Variants in TMEM178B observed in about 807,000 individuals in gnomAD.
The protein encoded by TMEM178B is transmembrane protein 178B.
TMEM178B carries 5 observed loss-of-function variants against 31.0 expected under a neutral mutation model. The observed-to-expected ratio is 0.16, with a 90% CI of 0.08 to 0.34. The LOEUF is 0.34. Among genes scored for constraint, TMEM178B ranks in the 10% least tolerant of loss-of-function variants. The pLI, the probability that TMEM178B is intolerant of heterozygous loss-of-function variation, is 1.00. For missense variants in TMEM178B, 275 were observed against 400.3 expected (o/e 0.69, Z 2.67); for synonymous variants, 164 against 164.0 (o/e 1.00, Z 0.00).
At chr7:141,442,267 C>T (rs1181622391) in intron 3 of TMEM178B, among the ~76,000 whole-genome samples, 2 of 152,166 alleles carry the variant, frequency 1.3e-5, no homozygotes, top group African/African-American at 2.4e-5. Context: ...ATCACCTCCT[C>T]CCCGAATCAG....
At chr7:141,407,080 G>A (rs1187870312) in intron 2 of TMEM178B, among the ~76,000 whole-genome samples, 1 of 152,332 alleles carries the variant, frequency 6.6e-6, no homozygotes, top group Admixed American at 6.5e-5. Flanking sequence ...AATACCTATT[G>A]CTTCCTATAT....
intron 2 of TMEM178B, among the ~76,000 whole-genome samples, chr7:141,300,343 G>C (rs539962198): frequency 7.2e-5 from 11 of 152,248 alleles, no homozygotes; most frequent in Non-Finnish European, 1.6e-4. Flanking sequence ...ATGTCCTCAT[G>C]GGACTCATGT....
At chr7:141,110,976 A>G (rs1445147590) in intron 1 of TMEM178B, among the ~76,000 whole-genome samples, 3 of 152,174 alleles carry the variant, frequency 2.0e-5, no homozygotes, top group Non-Finnish European at 4.4e-5. Context: ...TGCTGCTGGA[A>G]CCTTGATCTC....
At chr7:141,454,250 C>T (rs1801920534) in intron 3 of TMEM178B, among the ~76,000 whole-genome samples, 1 of 152,178 alleles carries the variant, frequency 6.6e-6, no homozygotes, top group Non-Finnish European at 1.5e-5. Context: ...GTGGGGCAGC[C>T]ATTCTCTTCT....
chr7:141,314,818 A>T (rs1798973853), intron 2 of TMEM178B, among the ~76,000 whole-genome samples: 1 of 152,050 alleles, frequency 6.6e-6, no homozygotes, highest in African/African-American at 2.4e-5. Context: ...GACCTCAATC[A>T]CCCTAATGGC....
At chr7:141,407,522 T>C (rs541072234) in intron 2 of TMEM178B, among the ~76,000 whole-genome samples, 3 of 152,330 alleles carry the variant, frequency 2.0e-5, no homozygotes, top group Admixed American at 6.5e-5. Flanking sequence ...CTGATATGCT[T>C]TGAATAGCTT....
chr7:141,208,141 G>A (rs1586826206), intron 1 of TMEM178B, among the ~76,000 whole-genome samples: 1 of 152,064 alleles, frequency 6.6e-6, no homozygotes. Flanking sequence ...TGTAGTAAGC[G>A]ATGATTACGC....
intron 1 of TMEM178B, among the ~76,000 whole-genome samples, chr7:141,082,471 C>T (rs1255680533): frequency 2.6e-5 from 4 of 152,236 alleles, no homozygotes; most frequent in Non-Finnish European, 4.4e-5. Flanking sequence ...TGCAAACATC[C>T]ATAGTCTTGT....
chr7:141,130,837 C>G (rs1215042209), intron 1 of TMEM178B, among the ~76,000 whole-genome samples: 2 of 152,130 alleles, frequency 1.3e-5, no homozygotes, highest in Non-Finnish European at 2.9e-5. Flanking sequence ...TACCATTCTG[C>G]CTTCCAACTT....
chr7:141,201,106 C>G (rs1586822561), intron 1 of TMEM178B, among the ~76,000 whole-genome samples: 1 of 152,154 alleles, frequency 6.6e-6, no homozygotes, highest in Admixed American at 6.5e-5. Flanking sequence ...ACTTCCCGTG[C>G]ACATGAAGGG....
At chr7:141,231,351 G>A (rs866060218) in intron 2 of TMEM178B, among the ~76,000 whole-genome samples, 1 of 150,968 alleles carries the variant, frequency 6.6e-6, no homozygotes, top group African/African-American at 2.4e-5. Flanking sequence ...AAGGAAGTTT[G>A]AAATTAATCT....
rs867645597 is a variant in TMEM178B at position 141,151,619 on chromosome 7, C to T, written c.383-60972C>T. Among the ~76,000 whole-genome samples the T allele has an allele frequency of 1.3e-5, 2 of 152,272 alleles. 1 individual carries two copies. On this transcript the variant is annotated intron_variant, in intron 1 of 3. Coordinates refer to ENST00000565468, the MANE Select transcript of TMEM178B (RefSeq NM_001195278.2). Reference sequence around the variant, plus strand: ...TCGGGAGGATTGATGGTGAAAGTCCCTGTGGAGATATAGTTCTCTCTCTGC... The same window carrying T: ...TCGGGAGGATTGATGGTGAAAGTCCTTGTGGAGATATAGTTCTCTCTCTGC...
intron 2 of TMEM178B, among the ~76,000 whole-genome samples, chr7:141,365,824 T>A (rs890082955): frequency 6.6e-5 from 10 of 152,228 alleles, no homozygotes; most frequent in African/African-American, 2.2e-4. Context: ...TAATTACCTC[T>A]ACAAAAATTA....
At chr7:141,236,477 G>A (rs1287507523) in intron 2 of TMEM178B, among the ~76,000 whole-genome samples, 1 of 152,190 alleles carries the variant, frequency 6.6e-6, no homozygotes, top group African/African-American at 2.4e-5. Flanking sequence ...ACTTTCTCTT[G>A]GCCCTGTGTG....
At chr7:141,376,353 T>C (rs1800213912) in intron 2 of TMEM178B, among the ~76,000 whole-genome samples, 1 of 152,164 alleles carries the variant, frequency 6.6e-6, no homozygotes, top group African/African-American at 2.4e-5. Context: ...ATTTGTTATA[T>C]TACCAAAAAT....
the TMEM178B span, among the ~76,000 whole-genome samples, chr7:141,493,954 A>G: frequency 6.6e-6 from 1 of 152,174 alleles, no homozygotes; most frequent in Non-Finnish European, 1.5e-5. Flanking sequence ...TGCATCCATT[A>G]TCTCATGTGA....
chr7:141,466,046 A>G (rs145953546), intron 3 of TMEM178B, among the ~76,000 whole-genome samples: 5 of 152,312 alleles, frequency 3.3e-5, no homozygotes, highest in Admixed American at 2.0e-4. Flanking sequence ...TTAAAAACAT[A>G]TAAATCCTTG....
intron 2 of TMEM178B, among the ~76,000 whole-genome samples, chr7:141,346,328 A>G (rs1799620523): frequency 6.6e-6 from 1 of 152,228 alleles, no homozygotes; most frequent in African/African-American, 2.4e-5. Flanking sequence ...ATAGAGAAAT[A>G]CTAAAAAATA....
intron 2 of TMEM178B, among the ~76,000 whole-genome samples, chr7:141,325,489 T>C (rs1799173579): frequency 6.6e-6 from 1 of 152,192 alleles, no homozygotes; most frequent in Non-Finnish European, 1.5e-5. Flanking sequence ...AGGCCAGCAC[T>C]TGATGCTTGA....
Sources: allele counts gnomAD v4.1 joint callset (sites outside exome capture counted in the v4.1 genomes callset), GRCh38; gene constraint gnomAD v4.1.1; transcripts MANE v1.5; gene names NCBI Gene and HGNC (gene_info 2026-07-23, HGNC 2026-07-21).